CAPN15: variants seen among roughly 807,000 people sequenced by gnomAD.
CAPN15 encodes the protein calpain-15.
A neutral mutation model predicts 97.9 loss-of-function variants in CAPN15; 53 were observed. The observed-to-expected ratio is 0.54, with a 90% CI of 0.43 to 0.68. The LOEUF is 0.68. Ranked by LOEUF, CAPN15 falls within the 30% of genes least tolerant of loss-of-function variation. The pLI is 0.00. For synonymous variants in CAPN15, 922 were observed against 722.5 expected (o/e 1.28, Z -4.43); for missense variants, 1,592 against 1,589.8 (o/e 1.00, Z -0.02).
Position 553,001 on chromosome 16 carries a change from G to A in CAPN15, c.3043G>A (p.Gly1015Ser), listed in dbSNP as rs201600422. The part of the protein sequence containing the change: ...TDSFNVVSTR[G>S]SLRTQDSVPP... Reference sequence around the variant, plus strand: ...CAGCTTCAACGTGGTGTCCACACGCGGCAGCCTGCGTACCCAGGATAGCGT... The same window carrying A: ...CAGCTTCAACGTGGTGTCCACACGCAGCAGCCTGCGTACCCAGGATAGCGT... Residue 1015 changes from glycine (G) to serine (S), a missense_variant, in exon 13 of 14, where the codon GGC (glycine) becomes AGC (serine). Coordinates refer to ENST00000219611, the MANE Select transcript of CAPN15 (RefSeq NM_005632.3). The A allele has an allele frequency of 6.6e-5, 106 of 1,609,244 alleles. No individual in the cohort carries two copies. Among genetic ancestry groups the A allele is most frequent in the Non-Finnish European group, 7.6e-5 (90 of 1,178,100 alleles).
At chr16:539,664 C>T (rs2033978308) in intron 3 of CAPN15, 1 of 152,366 alleles carries the variant, frequency 6.6e-6, no homozygotes, top group Non-Finnish European at 1.5e-5. Context: ...TTCTGGAAGT[C>T]TCCAGAGTGG....
intron 3 of CAPN15, chr16:537,935 C>G (rs952601537): frequency 3.9e-5 from 6 of 152,234 alleles, no homozygotes; most frequent in Non-Finnish European, 7.3e-5. Context: ...TAGTGTGGCA[C>G]GTCCAGAGAC....
At chr16:544,534 C>T (rs548482959) in intron 3 of CAPN15, among the ~76,000 whole-genome samples, 2 of 152,260 alleles carry the variant, frequency 1.3e-5, no homozygotes, top group South Asian at 2.1e-4. Context: ...CTGTCTTGCA[C>T]GCAGCGAGCG....
Position 535,816 on chromosome 16 carries a change from C to T in CAPN15, c.-136-213C>T, listed in dbSNP as rs868346881. Among the ~76,000 whole-genome samples, 49 of 151,986 alleles carry T rather than the reference C, an allele frequency of 3.2e-4. No homozygotes were observed. Among genetic ancestry groups the T allele is most frequent in the African/African-American group, 1.2e-3 (48 of 41,382 alleles). On this transcript the variant is annotated intron_variant, in intron 2 of 13. Coordinates refer to ENST00000219611, the MANE Select transcript of CAPN15 (RefSeq NM_005632.3). This position sits in a 1 kb window ranked among gnomAD's most constrained non-coding sequence, Gnocchi z 6.2. The stretch of plus-strand genomic sequence containing the variant: ...AACAGCCTGGCCCACAGCAGAGGCC[C>T]GGGGGGCACATGCAGCTCACGGGAG...
Position 547,339 on chromosome 16 carries a change from G to A in CAPN15, c.501G>A (p.Gly167=), listed in dbSNP as rs538450254. The A allele has an allele frequency of 1.3e-6, 2 of 1,540,550 alleles. No individual in the cohort carries two copies. Among genetic ancestry groups the A allele is most frequent in the African/African-American group, 2.7e-5 (2 of 73,320 alleles). The part of the protein sequence containing the change: ...TPVASSCSVC[G]GPRRLSLPRI... ...TGGCCAGCTCCTGCTCCGTCTGCGG[G>A]GGCCCACGCAGGCTCTCGCTGCCAC... Residue 167 remains glycine, a synonymous_variant, in exon 4 of 14, where the codon GGG becomes GGA. Transcript: ENST00000219611.
At chr16:551,254 CCCCTGTCGGTGAGGGT>C (rs1567158192) in intron 7 of CAPN15, 32 bp from the exon 8 acceptor site, 30 of 1,497,424 alleles carry the variant, frequency 2.0e-5, no homozygotes, top group African/African-American at 4.1e-5. Flanking sequence ...CGGTGAGGGT[CCCCTGTCGGTGAGGGT>C]CCCGGTCGGT....
chr16:550,716 CT>C (rs1425250491), intron 7 of CAPN15, among the ~76,000 whole-genome samples: 8 of 138,048 alleles, frequency 5.8e-5, no homozygotes, highest in African/African-American at 8.3e-5. Context: ...TGAGGGTCCC[CT>C]GTCGGTGAGG....
At chr16:548,570 G>T (rs909250124) in intron 4 of CAPN15, among the ~76,000 whole-genome samples, 3 of 152,252 alleles carry the variant, frequency 2.0e-5, no homozygotes, top group Non-Finnish European at 4.4e-5. Context: ...CTGATGTGCC[G>T]CAGGAGGCGA....
chr16:550,916 AGTGAGGGTCCCCTTTCG>A (rs1298622063), intron 7 of CAPN15, among the ~76,000 whole-genome samples: 2 of 63,546 alleles, frequency 3.1e-5, no homozygotes, highest in Non-Finnish European at 5.3e-5. Context: ...GGTCCCGGTC[AGTGAGGGTCCCCTTTCG>A]GTGAGGGTCC....
At position 554,402 on chromosome 16, in the gene CAPN15, C is replaced by T. The variant is rs1397683481; in HGVS notation, c.*886C>T. The T allele has an allele frequency of 2.4e-6, 1 of 422,982 alleles. No individual in the cohort carries two copies. Among genetic ancestry groups the T allele is most frequent in the Non-Finnish European group, 4.7e-6 (1 of 210,786 alleles). 26.2% of individuals were successfully genotyped at this position (422,982 alleles called of 1,614,324 possible). On this transcript the variant is annotated 3_prime_UTR_variant, in exon 14 of 14. Transcript: ENST00000219611. ...GCGGGCCGGCCTCGCCCCCACTCCCCCTCCTACCCCGGCAGGGGCTTCCGG... is the reference window on the plus strand; with the variant it reads ...GCGGGCCGGCCTCGCCCCCACTCCCTCTCCTACCCCGGCAGGGGCTTCCGG...
At chr16:532,872 A>T (rs1023319950) in intron 1 of CAPN15, among the ~76,000 whole-genome samples, 1 of 147,028 alleles carries the variant, frequency 6.8e-6, no homozygotes, top group African/African-American at 2.5e-5. Context: ...AAAAAAAAAC[A>T]GGTGATGCCT....
intron 3 of CAPN15, among the ~76,000 whole-genome samples, 177 bp from the exon 4 acceptor site, chr16:546,640 G>T (rs2034602263): frequency 6.6e-6 from 1 of 152,182 alleles, no homozygotes; most frequent in African/African-American, 2.4e-5. Flanking sequence ...CCTGAGCCAT[G>T]GATCCATTCT....
At position 554,546 on chromosome 16, in the gene CAPN15, A is replaced by C. The variant is rs770675872; in HGVS notation, c.*1030A>C. On this transcript the variant is annotated 3_prime_UTR_variant, in exon 14 of 14. Transcript: ENST00000219611. ...TTGTGACACAGAGACTATTTTATCA[A>C]TTGTCAGTCCCGTTCCTTTACCATA... 1 of 456,084 alleles carries C rather than the reference A, an allele frequency of 2.2e-6. No homozygotes were observed. The highest frequency in any genetic ancestry group is 2.3e-5 in the Admixed American group (1 of 42,560). The allele number at this position is 456,084 out of a possible 1,614,324, so 28.3% of individuals were successfully genotyped here.
At chr16:551,271 C>T (rs1469423495) in intron 7 of CAPN15, 31 bp from the exon 8 acceptor site, 8 of 1,549,594 alleles carry the variant, frequency 5.2e-6, no homozygotes, top group East Asian at 2.3e-5. Flanking sequence ...CGGTGAGGGT[C>T]CCGGTCGGTG....
chr16:537,726 G>C (rs2033828428), intron 3 of CAPN15: 1 of 152,656 alleles, frequency 6.6e-6, no homozygotes, highest in Non-Finnish European at 1.5e-5. Flanking sequence ...CCGTTTGGGT[G>C]GTTCCGGCGT....
intron 3 of CAPN15, among the ~76,000 whole-genome samples, chr16:542,988 T>A (rs58497981): frequency 6.0e-5 from 9 of 149,992 alleles, no homozygotes; most frequent in Non-Finnish European, 1.3e-4. Context: ...GAGGCGGAGG[T>A]TGCAGTGAGC....
chr16:538,916 C>T (rs1019279784), intron 3 of CAPN15: 5 of 151,468 alleles, frequency 3.3e-5, no homozygotes, highest in African/African-American at 1.2e-4. Context: ...CCCAGGCCTC[C>T]CTGAGCTCCA....
chr16:530,585 C>T (rs2033179962), intron 1 of CAPN15, among the ~76,000 whole-genome samples: 2 of 152,192 alleles, frequency 1.3e-5, no homozygotes, highest in African/African-American at 4.8e-5. Flanking sequence ...CCCGTTCAGC[C>T]ACACCCTGTC....
Position 553,954 on chromosome 16 carries a change from CCCCCAGAG to C in CAPN15, c.*442_*449del, listed in dbSNP as rs2035281938. On this transcript the variant is annotated 3_prime_UTR_variant, in exon 14 of 14. Coordinates refer to ENST00000219611, the MANE Select transcript of CAPN15 (RefSeq NM_005632.3). ...CCTCACGGGGCATAAGGTCAGTTTT[CCCCCAGAG>C]CCCGGGTCCCTGTCCCCCACAGGGC... 1 of 188,662 alleles carries C rather than the reference CCCCCAGAG, an allele frequency of 5.3e-6. No individual in the cohort carries two copies. The highest frequency in any genetic ancestry group is 1.1e-5 in the Non-Finnish European group (1 of 95,050). 11.7% of individuals were successfully genotyped at this position (188,662 alleles called of 1,614,324 possible).
Sources: allele counts gnomAD v4.1 joint callset (sites outside exome capture counted in the v4.1 genomes callset), GRCh38; gene constraint gnomAD v4.1.1; non-coding constraint Gnocchi (gnomAD v3.1); transcripts MANE v1.5; gene names NCBI Gene and HGNC (gene_info 2026-07-23, HGNC 2026-07-21).